NRG3: variants seen among roughly 807,000 people sequenced by gnomAD.
NRG3 encodes the protein neuregulin 3.
Under a neutral mutation model 66.9 loss-of-function variants are expected in NRG3, and 31 were observed. That is an observed-to-expected ratio of 0.46 (90% CI 0.35 to 0.63). The LOEUF (loss-of-function observed/expected upper bound fraction) is 0.63, where lower values mean the gene tolerates loss of function less well. Among genes scored for constraint, NRG3 ranks in the 20% least tolerant of loss-of-function variants. The probability of loss-of-function intolerance (pLI) is 0.00; values close to 1 mark genes in which losing one functional copy is unlikely to be tolerated. For synonymous variants in NRG3, 393 were observed against 359.4 expected (o/e 1.09, Z -1.06); for missense variants, 910 against 878.9 (o/e 1.04, Z -0.45).
At chr10:82,717,421 A>C (rs1181652267) in intron 2 of NRG3, among the ~76,000 whole-genome samples, 1 of 93,620 alleles carries the variant, frequency 1.1e-5, no homozygotes. Flanking sequence ...TTTTTTTGAG[A>C]TGGAGTCTTG....
chr10:82,149,727 G>A lies in NRG3; in HGVS notation c.824-209012G>A, dbSNP rs551573114. Among the ~76,000 whole-genome samples, 872 of 147,780 alleles carry A rather than the reference G, an allele frequency of 5.9e-3. 8 individuals carry two copies. The highest frequency in any genetic ancestry group is 0.02 in the African/African-American group (819 of 40,080). The stretch of plus-strand genomic sequence containing the variant: ...GCTCTGTTTTTTTTTTTTTTCTAAA[G>A]CCTCCCAGTAGAATGTCAGACTAAT... On this transcript the variant is annotated intron_variant, in intron 1 of 8. Transcript: ENST00000372141.
intron 2 of NRG3, among the ~76,000 whole-genome samples, chr10:82,491,157 T>C (rs1843058257): frequency 6.6e-6 from 1 of 151,680 alleles, no homozygotes; most frequent in African/African-American, 2.4e-5. Flanking sequence ...ATATCAGCTT[T>C]AATAACTACC....
chr10:82,541,287 T>C (rs1463849221), intron 2 of NRG3, among the ~76,000 whole-genome samples: 2 of 152,230 alleles, frequency 1.3e-5, no homozygotes, highest in Non-Finnish European at 2.9e-5. Flanking sequence ...TGTATATCTG[T>C]ATGTAAATAT....
At chr10:81,972,581 T>G (rs2059970152) in intron 1 of NRG3, among the ~76,000 whole-genome samples, 1 of 152,104 alleles carries the variant, frequency 6.6e-6, no homozygotes, top group Admixed American at 6.6e-5. Context: ...GGAAAATAAT[T>G]ATTTAAAATA....
chr10:81,933,871 T>C (rs1847617803), intron 1 of NRG3, among the ~76,000 whole-genome samples: 1 of 152,232 alleles, frequency 6.6e-6, no homozygotes, highest in Non-Finnish European at 1.5e-5. Flanking sequence ...CACTGAATTA[T>C]GTTATTCTAC....
chr10:81,946,897 C>A (rs571632079), intron 1 of NRG3, among the ~76,000 whole-genome samples: 1 of 152,152 alleles, frequency 6.6e-6, no homozygotes, highest in Non-Finnish European at 1.5e-5. Flanking sequence ...TGCTTAGTAT[C>A]GCCATCTTCC....
At chr10:82,406,725 T>C (rs1188966264) in intron 2 of NRG3, among the ~76,000 whole-genome samples, 1 of 152,122 alleles carries the variant, frequency 6.6e-6, no homozygotes, top group Non-Finnish European at 1.5e-5. Flanking sequence ...TTTTTTTTCT[T>C]ATTAATATTT....
At chr10:82,808,697 A>G (rs2061381450) in intron 3 of NRG3, among the ~76,000 whole-genome samples, 2 of 152,190 alleles carry the variant, frequency 1.3e-5, no homozygotes, top group African/African-American at 4.8e-5. Flanking sequence ...CATGTTTTAA[A>G]TCAAACCCGG....
At chr10:82,335,983 A>G (rs2082365229) in intron 1 of NRG3, among the ~76,000 whole-genome samples, 1 of 152,188 alleles carries the variant, frequency 6.6e-6, no homozygotes, top group Non-Finnish European at 1.5e-5. Flanking sequence ...TTTCTTTCAC[A>G]ACTACTCAAC....
At chr10:82,337,450 A>G (rs1208491033) in intron 1 of NRG3, among the ~76,000 whole-genome samples, 1 of 152,220 alleles carries the variant, frequency 6.6e-6, no homozygotes, top group African/African-American at 2.4e-5. Context: ...TACTATGTGT[A>G]ATATTTCTAT....
intron 2 of NRG3, among the ~76,000 whole-genome samples, chr10:82,682,086 A>T (rs2484455): frequency 0.82 from 125,509 of 152,212 alleles, 53,146 homozygotes; most frequent in East Asian, 1. Flanking sequence ...GAGCCATAGA[A>T]TCAGAAGAAA....
intron 1 of NRG3, among the ~76,000 whole-genome samples, chr10:81,880,398 A>C (rs530296127): frequency 2.6e-5 from 4 of 151,906 alleles, no homozygotes; most frequent in African/African-American, 9.7e-5. Flanking sequence ...AAACCTGACC[A>C]AAAAAAACAA....
intron 2 of NRG3, among the ~76,000 whole-genome samples, chr10:82,695,691 GAT>G (rs1263284186): frequency 6.6e-6 from 1 of 151,908 alleles, no homozygotes; most frequent in Admixed American, 6.6e-5. Context: ...GGAAAATAAA[GAT>G]ATTTTATTAA....
At chr10:82,449,983 G>T (rs1236621630) in intron 2 of NRG3, among the ~76,000 whole-genome samples, 1 of 152,158 alleles carries the variant, frequency 6.6e-6, no homozygotes, top group African/African-American at 2.4e-5. Flanking sequence ...TATAAAAGTG[G>T]TTTCTGTGGA....
chr10:82,911,666 A>T (rs1418929584), intron 4 of NRG3, among the ~76,000 whole-genome samples: 2 of 151,348 alleles, frequency 1.3e-5, no homozygotes, highest in Non-Finnish European at 3.0e-5. Flanking sequence ...AGGTTTAACA[A>T]TTCTATTTAT....
intron 3 of NRG3, among the ~76,000 whole-genome samples, chr10:82,748,076 T>C (rs2058716052): frequency 6.6e-6 from 1 of 151,250 alleles, no homozygotes; most frequent in Admixed American, 6.6e-5. Flanking sequence ...TAATTACACA[T>C]ATTTGGTGTT....
At chr10:82,953,526 C>T (rs1849729767) in intron 5 of NRG3, among the ~76,000 whole-genome samples, 5 of 151,922 alleles carry the variant, frequency 3.3e-5, no homozygotes, top group Admixed American at 2.6e-4. Context: ...GGGTTGTACA[C>T]TAGTGAGTCA....
chr10:82,264,651 A>G (rs922639908), intron 1 of NRG3, among the ~76,000 whole-genome samples: 3 of 152,218 alleles, frequency 2.0e-5, no homozygotes, highest in African/African-American at 7.2e-5. Flanking sequence ...GAAAAGGAAG[A>G]TTTAACAATG....
At chr10:82,053,208 G>C (rs1490069843) in intron 1 of NRG3, among the ~76,000 whole-genome samples, 3 of 151,816 alleles carry the variant, frequency 2.0e-5, no homozygotes, top group Non-Finnish European at 4.4e-5. Flanking sequence ...GAAAATACTG[G>C]TGGTTGTAAT....
Sources: allele counts gnomAD v4.1 joint callset (sites outside exome capture counted in the v4.1 genomes callset), GRCh38; gene constraint gnomAD v4.1.1; transcripts MANE v1.5; gene names NCBI Gene and HGNC (gene_info 2026-07-23, HGNC 2026-07-21).